The following SHANK1 variants were observed in gnomAD, a reference collection of about 807,000 sequenced individuals.
SHANK1 encodes the protein SH3 and multiple ankyrin repeat domains protein 1.
A neutral mutation model predicts 165.6 loss-of-function variants in SHANK1; 35 were observed. The ratio of observed to expected loss-of-function variants is 0.21; its 90% CI spans 0.16 to 0.28. The LOEUF (loss-of-function observed/expected upper bound fraction) is 0.28. Ranked by LOEUF, SHANK1 falls within the 10% of genes least tolerant of loss-of-function variation. The pLI is 1.00. For synonymous variants in SHANK1, 1,428 were observed against 1,384.8 expected, an observed-to-expected ratio of 1.03 and a Z score of -0.69; for missense variants, 2,681 against 3,036.4, an observed-to-expected ratio of 0.88 and a Z score of 2.75.
intron 15 of SHANK1, among the ~76,000 whole-genome samples, chr19:50,691,326 T>C (rs1326082965): frequency 6.6e-6 from 1 of 152,064 alleles, no homozygotes; most frequent in Non-Finnish European, 1.5e-5. Context: ...TTCTTACTCC[T>C]CCTCCTGTAT....
rs772735940 is a variant in SHANK1, at chr19:50,713,843, G to C, written c.747C>G (p.Thr249=). 1.9e-6 allele frequency: 3 copies of C among 1,613,826 alleles called. No individual in the cohort carries two copies. The highest frequency in any genetic ancestry group is 1.7e-6 in the Non-Finnish European group (2 of 1,180,024). Residue 249 remains threonine, a synonymous_variant, in exon 6 of 24, where the codon ACC becomes ACG. Coordinates refer to ENST00000293441, the MANE Select transcript of SHANK1 (RefSeq NM_016148.5). This position sits in a 1 kb window ranked among gnomAD's most constrained non-coding sequence, Gnocchi z 6.2. ...HIDFRARDGM[T]ALHKAACARH... The stretch of plus-strand genomic sequence containing the variant: ...GGGCGCATGCGGCCTTATGCAGTGC[G>C]GTCATGCCATCCCGGGCCCGGAAGT...
chr19:50,684,468 A>G (rs1406848420), intron 21 of SHANK1, among the ~76,000 whole-genome samples: 1 of 152,120 alleles, frequency 6.6e-6, no homozygotes, highest in Admixed American at 6.6e-5. Flanking sequence ...TCAGGTGATC[A>G]GCCCACTTCA....
rs1986428667 is a variant in SHANK1 at position 50,688,372 on chromosome 19, G to A, written c.2173-314C>T. Reference sequence around the variant, plus strand: ...CTCTCTCTGTCACCCAGGTTGGGGTGCAGTGGCCCAATCATGGCTCACTGC... The same window carrying A: ...CTCTCTCTGTCACCCAGGTTGGGGTACAGTGGCCCAATCATGGCTCACTGC... On this transcript the variant is annotated intron_variant, in intron 17 of 23. Coordinates refer to ENST00000293441, the MANE Select transcript of SHANK1 (RefSeq NM_016148.5). This position sits in a 1 kb window ranked among gnomAD's most constrained non-coding sequence, Gnocchi z 6.7. 6.6e-6 allele frequency among the ~76,000 whole-genome samples: 1 copy of A among 152,114 alleles called. No homozygotes were observed. Among genetic ancestry groups the A allele is most frequent in the Non-Finnish European group, 1.5e-5 (1 of 68,024 alleles).
chr19:50,665,834 G>C (rs1483781931), intron 23 of SHANK1, among the ~76,000 whole-genome samples: 1 of 150,238 alleles, frequency 6.7e-6, no homozygotes, highest in Non-Finnish European at 1.5e-5. Flanking sequence ...GGGAGTTCGA[G>C]ACCAGCCTGA....
chr19:50,667,688 G>A lies in SHANK1; in HGVS notation c.4272C>T (p.Ala1424=). 1 of 1,362,020 alleles carries A rather than the reference G, an allele frequency of 7.3e-7. No individual in the cohort carries two copies. Among genetic ancestry groups the A allele is most frequent in the Non-Finnish European group, 9.4e-7 (1 of 1,064,630 alleles). The allele number at this position is 1,362,020 out of a possible 1,614,324, so 84.4% of individuals were successfully genotyped here. ...GGGACTTCTCCTGGCTGCCCAGCCC[G>A]GCCCTGTACCCCAGCTCCCGGCGCG... ...DPARRELGYR[A]GLGSQEKSLP... The change falls in exon 23 of 24, where the codon GCC becomes GCT. Residue 1424 remains alanine (A), a synonymous_variant. Transcript: ENST00000293441. This position sits in a 1 kb window ranked among gnomAD's most constrained non-coding sequence, Gnocchi z 5.7.
Position 50,690,687 on chromosome 19 carries a change from A to C in SHANK1, c.1965-1408T>G, listed in dbSNP as rs1320026597. Reference sequence around the variant, plus strand: ...ATTACCTGCCCCCACAAATTCAGCAAAACAGCCGTCCTCGAATACTCCAGT... The same window carrying C: ...ATTACCTGCCCCCACAAATTCAGCACAACAGCCGTCCTCGAATACTCCAGT... On this transcript the variant is annotated intron_variant, in intron 15 of 23. Coordinates refer to ENST00000293441, the MANE Select transcript of SHANK1 (RefSeq NM_016148.5). This position sits in a 1 kb window ranked among gnomAD's most constrained non-coding sequence, Gnocchi z 4.9. Among the ~76,000 whole-genome samples, 1 of 152,028 alleles carries C rather than the reference A, an allele frequency of 6.6e-6. No individual in the cohort carries two copies. The highest frequency in any genetic ancestry group is 1.5e-5 in the Non-Finnish European group (1 of 67,998).
intron 4 of SHANK1, 112 bp downstream of exon 4, chr19:50,715,547 G>A: frequency 1.0e-6 from 1 of 977,560 alleles, no homozygotes; most frequent in Non-Finnish European, 1.6e-6. Flanking sequence ...AGGGATCGCT[G>A]GCTTGGGGAA....
chr19:50,691,103 T>G (rs1986524718), intron 15 of SHANK1, among the ~76,000 whole-genome samples: 1 of 151,948 alleles, frequency 6.6e-6, no homozygotes. Flanking sequence ...ATACCCGCCA[T>G]GTCTTCCTCC....
rs1259178592 is a variant in SHANK1, at chr19:50,662,008, C to T, written c.6443G>A (p.Arg2148His). 3.7e-6 allele frequency: 6 copies of T among 1,614,134 alleles called. No individual in the cohort carries two copies. Among genetic ancestry groups the T allele is most frequent in the Non-Finnish European group, 5.1e-6 (6 of 1,180,014 alleles). The change falls in exon 24 of 24, where the codon CGC becomes CAC. Residue 2148 changes from arginine to histidine, a missense_variant. Coordinates refer to ENST00000293441, the MANE Select transcript of SHANK1 (RefSeq NM_016148.5). This position sits in a 1 kb window ranked among gnomAD's most constrained non-coding sequence, Gnocchi z 7.7. Reference protein sequence around the residue: ...VDLGVTRVGHRMNIDRALKFF... With the variant: ...VDLGVTRVGHHMNIDRALKFF... Reference sequence around the variant, plus strand: ...TTTGAGAGCCCGGTCGATGTTCATGCGGTGGCCCACCCTGGTCACACCTAG... The same window carrying T: ...TTTGAGAGCCCGGTCGATGTTCATGTGGTGGCCCACCCTGGTCACACCTAG...
rs770588422 is a variant in SHANK1, at chr19:50,713,857, G to A, written c.733C>T (p.Arg245Trp). 2.5e-6 allele frequency: 4 copies of A among 1,613,980 alleles called. No individual in the cohort carries two copies. The highest frequency in any genetic ancestry group is 3.4e-6 in the Non-Finnish European group (4 of 1,180,002). Reference sequence around the variant, plus strand: ...TTATGCAGTGCGGTCATGCCATCCCGGGCCCGGAAGTCAATGTGGGCCCCG... The same window carrying A: ...TTATGCAGTGCGGTCATGCCATCCCAGGCCCGGAAGTCAATGTGGGCCCCG... Reference protein sequence around the residue: ...LGGAHIDFRARDGMTALHKAA... With the variant: ...LGGAHIDFRAWDGMTALHKAA... The change falls in exon 6 of 24, where the codon CGG (arginine) becomes TGG (tryptophan). Residue 245 changes from arginine to tryptophan, a missense_variant. Physicochemically the swap from Arg to Trp is moderately radical, Grantham distance 101. Around this residue, in one of 10 missense-constraint regions of SHANK1, gnomAD observed 189 missense variants for 440.9 expected, o/e 0.43. Transcript: ENST00000293441. This position sits in a 1 kb window ranked among gnomAD's most constrained non-coding sequence, Gnocchi z 6.2.
At position 50,697,697 on chromosome 19, in the gene SHANK1, T is replaced by C; in HGVS notation, c.1862-33A>G. 1 of 1,607,838 alleles carries C rather than the reference T, an allele frequency of 6.2e-7. No individual in the cohort carries two copies. Among genetic ancestry groups the C allele is most frequent in the Non-Finnish European group, 8.5e-7 (1 of 1,174,564 alleles). On this transcript the variant is annotated intron_variant, in intron 13 of 23. Transcript: ENST00000293441. This position sits in a 1 kb window ranked among gnomAD's most constrained non-coding sequence, Gnocchi z 4.7. ...GTGACAACAGACAACCTTGGACTCT[T>C]GTTTTGGAAACCACAATCCCAGCCC...
Position 50,686,720 on chromosome 19 carries a change from A to G in SHANK1, c.2458+24T>C, listed in dbSNP as rs750454461. On this transcript the variant is annotated intron_variant, in intron 20 of 23. Transcript: ENST00000293441. This position sits in a 1 kb window ranked among gnomAD's most constrained non-coding sequence, Gnocchi z 5.7. ...GCCGGGGCTGGGGCCCGGCATCCCG[A>G]GGAGCAGGGCTGGGCCGTCTTACTG... is the stretch of plus-strand genomic sequence containing the variant. 4.3e-6 allele frequency: 7 copies of G among 1,609,244 alleles called. No individual in the cohort carries two copies. The highest frequency in any genetic ancestry group is 1.1e-5 in the South Asian group (1 of 90,938).
rs138259736 is a variant in SHANK1 at position 50,665,942 on chromosome 19, C to T, written c.5768+250G>A. On this transcript the variant is annotated intron_variant, in intron 23 of 23. Transcript: ENST00000293441. ...AGGAGAATCGCTTGAACCCGGGAGGCAGAGGTTGTGGTGAGCCGAGATCAC... is the reference window on the plus strand; with the variant it reads ...AGGAGAATCGCTTGAACCCGGGAGGTAGAGGTTGTGGTGAGCCGAGATCAC... Among the ~76,000 whole-genome samples, 763 of 146,684 alleles carry T rather than the reference C, an allele frequency of 5.2e-3. 19 individuals are homozygous for T. The East Asian group carries it at 0.07, about 13-fold the overall frequency.
At chr19:50,687,754 G>A in intron 18 of SHANK1, 92 bp from the exon 19 acceptor site, 1 of 1,350,470 alleles carries the variant, frequency 7.4e-7, no homozygotes, top group South Asian at 1.5e-5. Context: ...TCAGAGAATA[G>A]CCATTGCCAG....
chr19:50,687,439 G>A, intron 19 of SHANK1, 143 bp downstream of exon 19: 2 of 625,464 alleles, frequency 3.2e-6, no homozygotes, highest in Non-Finnish European at 5.4e-6. Context: ...CACACACACA[G>A]GCCAGAGTCC....
In SHANK1 at chr19:50,715,472, G is replaced by A. The variant is rs147816712; in HGVS notation, c.531+187C>T. Reference sequence around the variant, plus strand: ...AAGAAGGGGTTGTGATGGGGATAATGGGGGGTATTTGTGGTTGTCTCAAAT... The same window carrying A: ...AAGAAGGGGTTGTGATGGGGATAATAGGGGGTATTTGTGGTTGTCTCAAAT... On this transcript the variant is annotated intron_variant, in intron 4 of 23. Coordinates refer to ENST00000293441, the MANE Select transcript of SHANK1 (RefSeq NM_016148.5). Among the ~76,000 whole-genome samples the A allele has an allele frequency of 2.2e-3, 331 of 152,090 alleles. 1 individual carries two copies. The highest frequency in any genetic ancestry group is 7.8e-3 in the African/African-American group (322 of 41,454).
In SHANK1 at chr19:50,662,948, T is replaced by C; in HGVS notation, c.5769-266A>G. 2.1e-6 allele frequency: 1 copy of C among 487,472 alleles called. No homozygotes were observed. The highest frequency in any genetic ancestry group is 3.7e-6 in the Non-Finnish European group (1 of 270,470). The allele number at this position is 487,472 out of a possible 1,614,324, so 30.2% of individuals were successfully genotyped here. ...TGAAAGAAAAAGAGACATTAAGTGA[T>C]AATAATAATAATCGTCACCGCTTAC... On this transcript the variant is annotated intron_variant, in intron 23 of 23. Coordinates refer to ENST00000293441, the MANE Select transcript of SHANK1 (RefSeq NM_016148.5). This position sits in a 1 kb window ranked among gnomAD's most constrained non-coding sequence, Gnocchi z 7.7.
chr19:50,683,233 G>A (rs1039484457), intron 21 of SHANK1, among the ~76,000 whole-genome samples: 6 of 152,148 alleles, frequency 3.9e-5, no homozygotes, highest in South Asian at 2.1e-4. Context: ...GCTGGCATCC[G>A]GATGGTAGAG....
Position 50,668,034 on chromosome 19 carries a change from C to G in SHANK1, c.3926G>C (p.Gly1309Ala). 6.8e-7 allele frequency: 1 copy of G among 1,476,870 alleles called. No homozygotes were observed. The highest frequency in any genetic ancestry group is 8.9e-7 in the Non-Finnish European group (1 of 1,119,362). The allele number at this position is 1,476,870 out of a possible 1,614,324, so 91.5% of individuals were successfully genotyped here. The change falls in exon 23 of 24, where the codon GGC becomes GCC. Residue 1309 changes from glycine (G) to alanine (A), a missense_variant. Physicochemically the swap from Gly to Ala is moderately conservative, Grantham distance 60. Coordinates refer to ENST00000293441, the MANE Select transcript of SHANK1 (RefSeq NM_016148.5). ...GCTACCGGCCCCGTAGCCGCCGTAG[C>G]CCGCGCCGCTGCCCGCAGACTCCAG... is the stretch of plus-strand genomic sequence containing the variant. Reference protein sequence around the residue: ...LRLESAGSGAGYGGYGAGSRA... With the variant: ...LRLESAGSGAAYGGYGAGSRA...
Sources: gnomAD v4.1 joint callset for allele counts (sites outside exome capture counted in the v4.1 genomes callset) on GRCh38, gnomAD v4.1.1 for gene constraint, gnomAD v4.1.1 regional missense constraint, Gnocchi (gnomAD v3.1) non-coding constraint, MANE v1.5 for transcripts, NCBI Gene and HGNC (gene_info 2026-07-23, HGNC 2026-07-21) for gene names.